Variants in DNAI3 observed in about 807,000 individuals in gnomAD.
DNAI3 encodes dynein axonemal intermediate chain 3, also known as WD repeat domain 63.
DNAI3 carries 83 observed loss-of-function variants against 115.5 expected under a neutral mutation model. The observed-to-expected ratio is 0.72, with a 90% CI of 0.60 to 0.86. The LOEUF (loss-of-function observed/expected upper bound fraction) is 0.86. Among genes scored for constraint, DNAI3 ranks in the 40% least tolerant of loss-of-function variants. DNAI3 has a pLI of 0.00. For synonymous variants in DNAI3, 320 were observed against 347.0 expected (o/e 0.92, Z 0.86); for missense variants, 1,004 against 1,075.8 (o/e 0.93, Z 0.93).
intron 15 of DNAI3, 147 bp downstream of exon 15, chr1:85,108,324 A>G: frequency 1.2e-6 from 1 of 846,288 alleles, no homozygotes; most frequent in Non-Finnish European, 1.7e-6. Context: ...TTCAACCAAT[A>G]AATTCCTTGA....
intron 9 of DNAI3, chr1:85,094,053 G>A (rs1273773681): frequency 5.0e-6 from 2 of 403,704 alleles, no homozygotes; most frequent in East Asian, 6.0e-5. Context: ...AGCCAAGGGA[G>A]GTAGGTAGGG....
chr1:85,079,903 T>G (rs1173712641), intron 3 of DNAI3, among the ~76,000 whole-genome samples: 1 of 152,038 alleles, frequency 6.6e-6, no homozygotes, highest in Non-Finnish European at 1.5e-5. Context: ...TCCAAGGGTT[T>G]ATTAATACAA....
chr1:85,092,288 G>A (rs1232784105), intron 8 of DNAI3, among the ~76,000 whole-genome samples: 1 of 152,206 alleles, frequency 6.6e-6, no homozygotes, highest in Non-Finnish European at 1.5e-5. Context: ...ATTAGGCAAT[G>A]ACTGGTAGTG....
Position 85,104,505 on chromosome 1 carries a change from T to C in DNAI3, c.1480-19T>C, listed in dbSNP as rs1655427572. On this transcript the variant is annotated intron_variant, in intron 13 of 22. Transcript: ENST00000294664. ...TATGAGAAAAACAATTTTATTTCTC[T>C]TTCATTTTTGAAAAATAGATTAACA... 1.2e-6 allele frequency: 2 copies of C among 1,607,356 alleles called. No individual in the cohort carries two copies.
chr1:85,101,141 AAAG>A (rs1320363302), intron 13 of DNAI3, among the ~76,000 whole-genome samples: 2 of 151,978 alleles, frequency 1.3e-5, no homozygotes, highest in African/African-American at 2.4e-5. Context: ...AATTAAAAAA[AAAG>A]AAATAGCACT....
intron 13 of DNAI3, among the ~76,000 whole-genome samples, chr1:85,104,250 A>C (rs1048428945): frequency 1.1e-4 from 16 of 151,036 alleles, no homozygotes; most frequent in African/African-American, 3.9e-4. Flanking sequence ...CCTCTGGACT[A>C]GCTGGGACTA....
At position 85,082,278 on chromosome 1, in the gene DNAI3, T is replaced by C. The variant is rs1216582843; in HGVS notation, c.286-22T>C. ...GAATGACCATTGAACATTAACTTCC[T>C]ATCTCAATTATATTCTTGTAGGAAT... On this transcript the variant is annotated intron_variant, in intron 4 of 22. Transcript: ENST00000294664. 5 of 1,574,668 alleles carry C rather than the reference T, an allele frequency of 3.2e-6. No individual in the cohort carries two copies. In the Admixed American group the frequency reaches 8.6e-5, roughly 27 times the overall value.
chr1:85,070,844 C>G (rs1339442872), intron 1 of DNAI3, among the ~76,000 whole-genome samples: 3 of 147,350 alleles, frequency 2.0e-5, no homozygotes. Flanking sequence ...AAGCACTTCA[C>G]AAATGTGAGC....
intron 16 of DNAI3, 152 bp from the exon 17 acceptor site, chr1:85,117,577 A>C (rs899759892): frequency 1.9e-6 from 2 of 1,066,112 alleles, no homozygotes; most frequent in African/African-American, 3.2e-5. Context: ...TTGCTAAATT[A>C]GAAATCTAAA....
chr1:85,107,785 A>G (rs897930428), intron 14 of DNAI3, among the ~76,000 whole-genome samples: 1 of 152,226 alleles, frequency 6.6e-6, no homozygotes, highest in Non-Finnish European at 1.5e-5. Context: ...TTACATTTTT[A>G]AAAGATTGCA....
At position 85,094,492 on chromosome 1, in the gene DNAI3, T is replaced by TAA. The variant is rs758511714; in HGVS notation, c.1112_1113dup (p.Leu372AsnfsTer8). 3.1e-6 allele frequency: 5 copies of TAA among 1,614,232 alleles called. No individual in the cohort carries two copies. In the South Asian group the frequency reaches 5.5e-5, roughly 18 times the overall value. On this transcript the variant is annotated frameshift_variant, in exon 10 of 23. Transcript: ENST00000294664. LOFTEE classifies it high-confidence loss of function. ...TTGAAGACAGAGTTCACTTTTCTGGTAAATTATTGCTGCAGCCATCACTGA... is the reference window on the plus strand; with the variant it reads ...TTGAAGACAGAGTTCACTTTTCTGGTAAAAATTATTGCTGCAGCCATCACTGA...
rs191290027 is a variant in DNAI3 at position 85,079,918 on chromosome 1, C to G, written c.104-1316C>G. Among the ~76,000 whole-genome samples the G allele has an allele frequency of 2.8e-3, 427 of 151,992 alleles. 2 individuals are homozygous for G. Among genetic ancestry groups the G allele is most frequent in the Middle Eastern group, 6.8e-3 (2 of 294 alleles). On this transcript the variant is annotated intron_variant, in intron 3 of 22. Coordinates refer to ENST00000294664, the MANE Select transcript of DNAI3 (RefSeq NM_145172.5). ...TCCAAGGGTTTATTAATACAACCAA[C>G]TGAGAAGCCACTATTTGAAAAATGT... is the stretch of plus-strand genomic sequence containing the variant.
chr1:85,094,294 G>T lies in DNAI3; in HGVS notation c.1049-137G>T, dbSNP rs2100581789. ...TAACTAGTGGCAACCACATTAGCCA[G>T]CAGAGCTCTAAGAAAACTCTTGCTC... On this transcript the variant is annotated intron_variant, in intron 9 of 22. Coordinates refer to ENST00000294664, the MANE Select transcript of DNAI3 (RefSeq NM_145172.5). The T allele has an allele frequency of 1.7e-6, 2 of 1,195,750 alleles. 1 individual carries two copies. The highest frequency in any genetic ancestry group is 3.0e-5 in the South Asian group (2 of 66,382). The allele number at this position is 1,195,750 out of a possible 1,614,324, so 74.1% of individuals were successfully genotyped here.
chr1:85,097,483 A>G (rs943476780), intron 11 of DNAI3, 86 bp from the exon 12 acceptor site: 1 of 1,243,036 alleles, frequency 8.0e-7, no homozygotes, highest in Non-Finnish European at 1.1e-6. Flanking sequence ...TTGACTTATC[A>G]GGCTACAAAC....
intron 3 of DNAI3, among the ~76,000 whole-genome samples, chr1:85,079,076 C>T (rs990037348): frequency 7.2e-5 from 11 of 152,180 alleles, no homozygotes; most frequent in Non-Finnish European, 1.2e-4. Flanking sequence ...GCCTTCTTTT[C>T]GGCACTAGCA....
At chr1:85,083,932 A>G (rs944092626) in intron 5 of DNAI3, among the ~76,000 whole-genome samples, 2 of 151,786 alleles carry the variant, frequency 1.3e-5, no homozygotes, top group African/African-American at 4.8e-5. Context: ...AAATTGTGTC[A>G]TTTTTATACT....
rs191351743 is a variant in DNAI3 at position 85,073,338 on chromosome 1, A to C, written c.103+246A>C. Among the ~76,000 whole-genome samples the C allele has an allele frequency of 9.3e-4, 141 of 152,366 alleles. 2 individuals are homozygous for C. The highest frequency in any genetic ancestry group is 4.2e-3 in the Admixed American group (64 of 15,312). On this transcript the variant is annotated intron_variant, in intron 3 of 22. Transcript: ENST00000294664. Reference sequence around the variant, plus strand: ...AAAAATGCATTATATGATTATTGAAAGGCCTTTTATAACTATAAAGTGTTA... The same window carrying C: ...AAAAATGCATTATATGATTATTGAACGGCCTTTTATAACTATAAAGTGTTA...
chr1:85,108,178 G>T lies in DNAI3; in HGVS notation c.1698+1G>T, dbSNP rs1571188305. ...TCTCTCCTGGAAACCTCTCACTAAG[G>T]TAAGTAATGTGGGGTTTTTAGTCCA... On this transcript the variant is annotated splice_donor_variant, in intron 15 of 22. Coordinates refer to ENST00000294664, the MANE Select transcript of DNAI3 (RefSeq NM_145172.5). LOFTEE classifies it high-confidence loss of function. The T allele has an allele frequency of 8.8e-6, 14 of 1,585,394 alleles. No individual in the cohort carries two copies. Among genetic ancestry groups the T allele is most frequent in the East Asian group, 2.3e-5 (1 of 44,402 alleles).
chr1:85,082,759 C>G (rs1439722496), intron 5 of DNAI3, among the ~76,000 whole-genome samples: 2 of 152,142 alleles, frequency 1.3e-5, no homozygotes, highest in Non-Finnish European at 2.9e-5. Context: ...TTCTTTGGGA[C>G]CCAGATCGGG....
Sources: gnomAD v4.1 joint callset for allele counts (sites outside exome capture counted in the v4.1 genomes callset) on GRCh38, gnomAD v4.1.1 for gene constraint, MANE v1.5 for transcripts, NCBI Gene and HGNC (gene_info 2026-07-23, HGNC 2026-07-21) for gene names.